Variants in DIABLO observed in about 807,000 individuals in gnomAD.
DIABLO encodes the protein diablo homolog, mitochondrial.
DIABLO carries 32 observed loss-of-function variants against 31.7 expected under a neutral mutation model. That is an observed-to-expected ratio of 1.01 (90% CI 0.76 to 1.35). DIABLO has a LOEUF of 1.35. DIABLO is among the 40% of genes most tolerant of loss of function. DIABLO has a pLI of 0.00. For missense variants in DIABLO, 316 were observed against 286.4 expected (o/e 1.10, Z -0.75); for synonymous variants, 132 against 103.2 (o/e 1.28, Z -1.69).
Position 122,217,026 on chromosome 12 carries a change from AG to A in DIABLO, c.316-158del, listed in dbSNP as rs1203386447. ...ATTGCACTATTATCCTATGAAGTAA[AG>A]GTATCAGGACATTAGTATCTCCATC... On this transcript the variant is annotated intron_variant, in intron 3 of 5. Coordinates refer to ENST00000464942, the MANE Select transcript of DIABLO (RefSeq NM_001371333.1). The A allele has an allele frequency of 4.6e-6, 3 of 650,254 alleles. No individual in the cohort carries two copies. The African/African-American group carries it at 5.4e-5, about 12-fold the overall frequency. The allele number at this position is 650,254 out of a possible 1,614,324, so 40.3% of individuals were successfully genotyped here.
At chr12:122,219,940 G>A (rs963824152) in intron 2 of DIABLO, among the ~76,000 whole-genome samples, 9 of 141,728 alleles carry the variant, frequency 6.4e-5, no homozygotes, top group African/African-American at 1.3e-4. Flanking sequence ...GGGGGACCTC[G>A]GTTATTTTAT....
At chr12:122,216,123 T>G (rs1468341597) in intron 5 of DIABLO, among the ~76,000 whole-genome samples, 1 of 152,214 alleles carries the variant, frequency 6.6e-6, no homozygotes, top group Non-Finnish European at 1.5e-5. Context: ...AAGGTTCACA[T>G]AGATTACTCA....
At chr12:122,218,575 GAAAT>G in intron 2 of DIABLO, 178 bp from the exon 3 acceptor site, 1 of 708,394 alleles carries the variant, frequency 1.4e-6, no homozygotes, top group Non-Finnish European at 2.3e-6. Flanking sequence ...ACAATATAGA[GAAAT>G]AATTCCGGAG....
chr12:122,217,960 C>G lies in DIABLO; in HGVS notation c.315+306G>C, dbSNP rs373350561. On this transcript the variant is annotated intron_variant, in intron 3 of 5. Coordinates refer to ENST00000464942, the MANE Select transcript of DIABLO (RefSeq NM_001371333.1). ...ACTCCTGTTTTATATACTAGGCTGC[C>G]ACATTTAAGATTTTTCTGTAAAAAA... Among the ~76,000 whole-genome samples, 76 of 149,052 alleles carry G rather than the reference C, an allele frequency of 5.1e-4. 2 individuals carry two copies. The highest frequency in any genetic ancestry group is 6.7e-4 in the Admixed American group (10 of 14,996).
At chr12:122,215,461 G>T (rs1337970852) in intron 5 of DIABLO, among the ~76,000 whole-genome samples, 1 of 151,982 alleles carries the variant, frequency 6.6e-6, no homozygotes, top group Non-Finnish European at 1.5e-5. Context: ...AAAACTAGCT[G>T]GGCGTGGTGG....
At chr12:122,210,008 T>TA in intron 5 of DIABLO, 2 of 577,130 alleles carry the variant, frequency 3.5e-6, no homozygotes, top group South Asian at 2.3e-5. Context: ...TCCTTTAATC[T>TA]ATGGATATAT....
chr12:122,223,541 T>C (rs1195874733), intron 2 of DIABLO, among the ~76,000 whole-genome samples: 1 of 152,008 alleles, frequency 6.6e-6, no homozygotes, highest in African/African-American at 2.4e-5. Flanking sequence ...ATCAGTTAAC[T>C]CTCTGGCTTC....
At chr12:122,225,089 T>C (rs1432431746) in intron 1 of DIABLO, 4 of 340,232 alleles carry the variant, frequency 1.2e-5, no homozygotes, top group Non-Finnish European at 2.3e-5. Flanking sequence ...GGCACGCTCC[T>C]GTAATCCCAG....
At chr12:122,220,117 G>C (rs1954302768) in intron 2 of DIABLO, among the ~76,000 whole-genome samples, 1 of 150,854 alleles carries the variant, frequency 6.6e-6, no homozygotes, top group Non-Finnish European at 1.5e-5. Context: ...CTATTTTTTT[G>C]GTATATTTAG....
intron 3 of DIABLO, chr12:122,217,141 A>G (rs888570677): frequency 4.7e-5 from 19 of 405,650 alleles, no homozygotes; most frequent in Non-Finnish European, 8.3e-5. Context: ...GGTTGAGGGG[A>G]AAAAAGCTGC....
At chr12:122,227,127 G>A (rs1425672016), upstream of DIABLO, among the ~76,000 whole-genome samples, 1 of 152,166 alleles carries the variant, frequency 6.6e-6, no homozygotes, top group African/African-American at 2.4e-5. Context: ...GGGACTGCAG[G>A]GTGCCAGGTG....
At chr12:122,209,665 C>CG in intron 5 of DIABLO, 1 of 683,164 alleles carries the variant, frequency 1.5e-6, no homozygotes, top group South Asian at 1.5e-5. Flanking sequence ...TCGTCTCCCC[C>CG]CCAAAAAAAA....
upstream of DIABLO, chr12:122,227,446 T>G: frequency 2.2e-6 from 1 of 454,164 alleles, no homozygotes; most frequent in South Asian, 1.6e-5. Flanking sequence ...TTCTGCGATC[T>G]CGGCAGAACT....
intron 5 of DIABLO, among the ~76,000 whole-genome samples, chr12:122,211,130 T>A (rs904496214): frequency 8.0e-6 from 1 of 124,822 alleles, no homozygotes; most frequent in African/African-American, 3.1e-5. Flanking sequence ...ACGGGCACAG[T>A]GGCTCACGCC....
In DIABLO at chr12:122,208,480, C is replaced by G; in HGVS notation, c.621G>C (p.Lys207Asn). 1.2e-6 allele frequency: 2 copies of G among 1,614,206 alleles called. No individual in the cohort carries two copies. The highest frequency in any genetic ancestry group is 4.5e-5 in the East Asian group (2 of 44,892). ...VHQLSRKAETKLAEAQIEELR... is the reference protein window; with the variant it reads ...VHQLSRKAETNLAEAQIEELR... ...GCTCTTCTATCTGTGCTTCTGCCAG[C>G]TTGGTTTCTGCTTTCCGGGAGAGCT... The change falls in exon 6 of 6, where the codon AAG (lysine) becomes AAC (asparagine). Residue 207 changes from lysine (K) to asparagine (N), a missense_variant. Transcript: ENST00000464942.
chr12:122,217,007 C>G lies in DIABLO; in HGVS notation c.316-138G>C, dbSNP rs771297755. On this transcript the variant is annotated intron_variant, in intron 3 of 5. Coordinates refer to ENST00000464942, the MANE Select transcript of DIABLO (RefSeq NM_001371333.1). ...ATCCTGCTGCCTCAATGAAATTGCA[C>G]TATTATCCTATGAAGTAAAGGTATC... is the stretch of plus-strand genomic sequence containing the variant. 10 of 702,584 alleles carry G rather than the reference C, an allele frequency of 1.4e-5. No homozygotes were observed. The African/African-American group carries it at 1.8e-4, about 12-fold the overall frequency. The allele number at this position is 702,584 out of a possible 1,614,324, so 43.5% of individuals were successfully genotyped here.
chr12:122,226,830 G>C (rs549596042), upstream of DIABLO, among the ~76,000 whole-genome samples: 4 of 152,252 alleles, frequency 2.6e-5, no homozygotes, highest in South Asian at 8.3e-4. Context: ...CCCCGCAGCT[G>C]CATGAGTTTT....
Position 122,209,843 on chromosome 12 carries a change from T to A in DIABLO, c.524-1266A>T. 3 of 702,564 alleles carry A rather than the reference T, an allele frequency of 4.3e-6. No individual in the cohort carries two copies. The South Asian group carries it at 4.4e-5, about 10-fold the overall frequency. The allele number at this position is 702,564 out of a possible 1,614,324, so 43.5% of individuals were successfully genotyped here. On this transcript the variant is annotated intron_variant, in intron 5 of 5. Transcript: ENST00000464942. ...ATGGCAGGCATCCTCCTCTTCTAACTTCGATGAAAACACTTCTGAAAGTCC... is the reference window on the plus strand; with the variant it reads ...ATGGCAGGCATCCTCCTCTTCTAACATCGATGAAAACACTTCTGAAAGTCC...
intron 1 of DIABLO, 89 bp downstream of exon 1, chr12:122,225,876 G>A (rs1954453984): frequency 1.9e-6 from 3 of 1,542,492 alleles, no homozygotes; most frequent in South Asian, 1.2e-5. Flanking sequence ...GAGCGCGTAA[G>A]GAAGGCGGGC....
Sources: gnomAD v4.1 joint callset for allele counts (sites outside exome capture counted in the v4.1 genomes callset) on GRCh38, gnomAD v4.1.1 for gene constraint, MANE v1.5 for transcripts, NCBI Gene and HGNC (gene_info 2026-07-23, HGNC 2026-07-21) for gene names.